Variants in PRDM16 observed in about 807,000 individuals in gnomAD.
PRDM16 encodes the protein PR/SET domain 16.
In PRDM16, 23 loss-of-function variants were observed where a neutral mutation model predicts 110.6. The observed-to-expected ratio is 0.21, with a 90% CI of 0.15 to 0.29. PRDM16 has a LOEUF of 0.29. Among genes scored for constraint, PRDM16 ranks in the 10% least tolerant of loss-of-function variants. PRDM16 has a pLI of 1.00. For missense variants in PRDM16, 1,615 were observed against 1,794.3 expected (o/e 0.90, Z 1.81); for synonymous variants, 799 against 781.8 (o/e 1.02, Z -0.37).
intron 3 of PRDM16, among the ~76,000 whole-genome samples, chr1:3,296,456 C>G (rs947796451): frequency 4.6e-5 from 7 of 152,262 alleles, no homozygotes; most frequent in African/African-American, 1.7e-4. Flanking sequence ...GCCTGGCCTT[C>G]CGGAGCCTGT....
intron 1 of PRDM16, among the ~76,000 whole-genome samples, chr1:3,091,024 C>G (rs1298930676): frequency 6.6e-6 from 1 of 152,216 alleles, no homozygotes; most frequent in African/African-American, 2.4e-5. Context: ...GCAAGTCTGC[C>G]CGGAGACCTC....
At chr1:3,159,616 C>G (rs563346917) in intron 1 of PRDM16, among the ~76,000 whole-genome samples, 3 of 152,330 alleles carry the variant, frequency 2.0e-5, no homozygotes. Flanking sequence ...GGGATTGAGA[C>G]TTCAAGGTGT....
Position 3,404,932 on chromosome 1 carries a change from C to G in PRDM16, c.1032+46C>G, listed in dbSNP as rs184088509. Reference sequence around the variant, plus strand: ...GTCTCAGCCCCGGGGCAGCAGGAGGCTGCAGACGGGCGCCCGCCCCCGTGC... The same window carrying G: ...GTCTCAGCCCCGGGGCAGCAGGAGGGTGCAGACGGGCGCCCGCCCCCGTGC... On this transcript the variant is annotated intron_variant, in intron 7 of 16. Transcript: ENST00000270722. 4.5e-3 allele frequency: 7,194 copies of G among 1,589,530 alleles called. 21 individuals carry two copies. The highest frequency in any genetic ancestry group is 5.5e-3 in the Non-Finnish European group (6,495 of 1,171,530).
intron 1 of PRDM16, among the ~76,000 whole-genome samples, chr1:3,114,565 AGCACACACTT>A (rs1190306185): frequency 2.7e-4 from 41 of 151,088 alleles, no homozygotes; most frequent in African/African-American, 8.7e-4. Context: ...TGCACAAACA[AGCACACACTT>A]GCACACACAA....
In PRDM16 at chr1:3,292,426, A is replaced by G. The variant is rs549265017; in HGVS notation, c.438+48289A>G. Among the ~76,000 whole-genome samples the G allele has an allele frequency of 7.9e-5, 12 of 152,278 alleles. 1 individual carries two copies. The highest frequency in any genetic ancestry group is 2.9e-4 in the African/African-American group (12 of 41,556). ...CAGTGTCTCCAGCGAGAGAGAAGCA[A>G]AGAACACAGAGAGATAAACCACACT... On this transcript the variant is annotated intron_variant, in intron 3 of 16. Coordinates refer to ENST00000270722, the MANE Select transcript of PRDM16 (RefSeq NM_022114.4).
intron 3 of PRDM16, among the ~76,000 whole-genome samples, chr1:3,381,643 A>C (rs1643104337): frequency 6.6e-6 from 1 of 151,740 alleles, no homozygotes; most frequent in African/African-American, 2.4e-5. Context: ...CACCCGCCTC[A>C]CTCTCAAAGT....
intron 3 of PRDM16, among the ~76,000 whole-genome samples, chr1:3,325,304 G>A (rs1402025816): frequency 5.9e-5 from 9 of 152,198 alleles, no homozygotes; most frequent in Non-Finnish European, 1.0e-4. Context: ...GGTGTTAGCC[G>A]GCCCCAGGGT....
intron 4 of PRDM16, among the ~76,000 whole-genome samples, chr1:3,395,504 G>A (rs1185448931): frequency 6.6e-6 from 1 of 152,190 alleles, no homozygotes; most frequent in Non-Finnish European, 1.5e-5. Context: ...TTCCCTGGAA[G>A]CTCCCCAGTT....
rs548578878 is a variant in PRDM16, at chr1:3,390,194, G to A, written c.573+4908G>A. Among the ~76,000 whole-genome samples the A allele has an allele frequency of 2.0e-5, 3 of 152,294 alleles. No homozygotes were observed. The highest frequency in any genetic ancestry group is 7.2e-5 in the African/African-American group (3 of 41,560). On this transcript the variant is annotated intron_variant, in intron 4 of 16. Transcript: ENST00000270722. The surrounding 1 kb of genome is among the most constrained non-coding windows in gnomAD (Gnocchi z 5.0). ...GCAGGGAGGAGCTGTCACAGCCGGCGCTTTCTGTTTTTTGGTTTATCTTTT... is the reference window on the plus strand; with the variant it reads ...GCAGGGAGGAGCTGTCACAGCCGGCACTTTCTGTTTTTTGGTTTATCTTTT...
intron 1 of PRDM16, among the ~76,000 whole-genome samples, chr1:3,088,205 C>T (rs943455864): frequency 1.1e-4 from 16 of 152,230 alleles, no homozygotes; most frequent in Admixed American, 2.6e-4. Context: ...TCACCGAGGA[C>T]GTAGGCAGGA....
intron 6 of PRDM16, among the ~76,000 whole-genome samples, chr1:3,403,601 G>GGCCCTCCCCT (rs1323822928): frequency 6.6e-6 from 1 of 152,236 alleles, no homozygotes; most frequent in African/African-American, 2.4e-5. Flanking sequence ...GGCCCACGGT[G>GGCCCTCCCCT]GCCCTCCCCT....
At chr1:3,099,668 T>G (rs1412512211) in intron 1 of PRDM16, among the ~76,000 whole-genome samples, 2 of 152,158 alleles carry the variant, frequency 1.3e-5, no homozygotes, top group Non-Finnish European at 2.9e-5. Context: ...GAGACAAGCA[T>G]GAGCTCATTA....
intron 3 of PRDM16, among the ~76,000 whole-genome samples, chr1:3,336,171 A>G (rs1642141437): frequency 6.6e-6 from 1 of 152,220 alleles, no homozygotes; most frequent in Non-Finnish European, 1.5e-5. Context: ...TGACCTGCCA[A>G]GATAGCGGGG....
rs759012727 is a variant in PRDM16 at position 3,431,028 on chromosome 1, C to G, written c.3441C>G (p.Pro1147=). ...AGGATGACACCGTGTCCCCCGCACC[C>G]GAGCCCCAGGCCGCCTACGAGGATG... is the stretch of plus-strand genomic sequence containing the variant. The part of the protein sequence containing the change: ...KSQDDTVSPA[P]EPQAAYEDEE... Residue 1147 remains proline, a synonymous_variant, in exon 15 of 17, where the codon CCC becomes CCG. Coordinates refer to ENST00000270722, the MANE Select transcript of PRDM16 (RefSeq NM_022114.4). 5.7e-6 allele frequency: 9 copies of G among 1,570,060 alleles called. No individual in the cohort carries two copies. The highest frequency in any genetic ancestry group is 3.5e-5 in the South Asian group (3 of 86,340).
Position 3,412,707 on chromosome 1 carries a change from A to AG in PRDM16, c.2514dup (p.Leu839AlafsTer144). On this transcript the variant is annotated frameshift_variant, in exon 9 of 17. Transcript: ENST00000270722. LOFTEE classifies it high-confidence loss of function. ...GGGGAACGCAAGCTGGGCGCCGGCG[A>AG]GGGGCTGCCCCAGGTGTGCCCGGCG... 1 of 1,497,634 alleles carries AG rather than the reference A, an allele frequency of 6.7e-7. No homozygotes were observed. Among genetic ancestry groups the AG allele is most frequent in the Non-Finnish European group, 8.9e-7 (1 of 1,123,276 alleles). The allele number at this position is 1,497,634 out of a possible 1,614,324, so 92.8% of individuals were successfully genotyped here.
In PRDM16 at chr1:3,227,839, G is replaced by A. The variant is rs111747436; in HGVS notation, c.388-16248G>A. Among the ~76,000 whole-genome samples, 1,467 of 152,346 alleles carry A rather than the reference G, an allele frequency of 9.6e-3. 27 individuals are homozygous for A. Among genetic ancestry groups the A allele is most frequent in the African/African-American group, 0.034 (1,398 of 41,558 alleles). ...CTGTTCCTGGGCAAGAGCTCCTGTG[G>A]GGACAGGTGCTGGGCAGCCAGGGGC... On this transcript the variant is annotated intron_variant, in intron 2 of 16. Transcript: ENST00000270722.
chr1:3,208,987 T>G lies in PRDM16; in HGVS notation c.387+22513T>G, dbSNP rs868259538. Among the ~76,000 whole-genome samples, 2 of 152,108 alleles carry G rather than the reference T, an allele frequency of 1.3e-5. No individual in the cohort carries two copies. The highest frequency in any genetic ancestry group is 1.5e-5 in the Non-Finnish European group (1 of 68,020). The stretch of plus-strand genomic sequence containing the variant: ...AGGGAGTGACTTGCTCCGTCTGTCA[T>G]GTAGTGACCACCTGCTTCTCAGCAG... On this transcript the variant is annotated intron_variant, in intron 2 of 16. Coordinates refer to ENST00000270722, the MANE Select transcript of PRDM16 (RefSeq NM_022114.4). This position sits in a 1 kb window ranked among gnomAD's most constrained non-coding sequence, Gnocchi z 6.1.
intron 5 of PRDM16, among the ~76,000 whole-genome samples, chr1:3,400,643 C>A (rs1435260711): frequency 1.3e-5 from 2 of 152,164 alleles, no homozygotes; most frequent in Non-Finnish European, 2.9e-5. Context: ...GAGGTGTGGA[C>A]CGCAGTCCTG....
chr1:3,408,022 GCA>G (rs1338755808), intron 8 of PRDM16, among the ~76,000 whole-genome samples: 2 of 152,260 alleles, frequency 1.3e-5, no homozygotes, highest in Admixed American at 6.5e-5. Context: ...CCAGGCCACT[GCA>G]CAGTGTCCTT....
Sources: gnomAD v4.1 joint callset for allele counts (sites outside exome capture counted in the v4.1 genomes callset) on GRCh38, gnomAD v4.1.1 for gene constraint, Gnocchi (gnomAD v3.1) non-coding constraint, MANE v1.5 for transcripts, NCBI Gene and HGNC (gene_info 2026-07-23, HGNC 2026-07-21) for gene names.